NTN1: variants seen among roughly 807,000 people sequenced by gnomAD.
NTN1 encodes the protein netrin 1.
NTN1 carries 11 observed loss-of-function variants against 54.2 expected under a neutral mutation model. The ratio of observed to expected loss-of-function variants is 0.20; its 90% CI spans 0.13 to 0.34. NTN1 has a LOEUF of 0.34. Among genes scored for constraint, NTN1 ranks in the 10% least tolerant of loss-of-function variants. The pLI is 1.00. For synonymous variants in NTN1, 371 were observed against 382.0 expected, an observed-to-expected ratio of 0.97 and a Z score of 0.33; for missense variants, 740 against 893.1, an observed-to-expected ratio of 0.83 and a Z score of 2.18.
chr17:9,140,083 T>A (rs908346057), intron 2 of NTN1, among the ~76,000 whole-genome samples: 1 of 152,210 alleles, frequency 6.6e-6, no homozygotes, highest in Non-Finnish European at 1.5e-5. Flanking sequence ...TCTCATGACC[T>A]GCTAATGAGT....
rs1344970383 is a variant in NTN1, at chr17:9,056,158, G to T, written c.1018+32767G>T. 2.6e-5 allele frequency among the ~76,000 whole-genome samples: 4 copies of T among 152,158 alleles called. 1 individual carries two copies. The highest frequency in any genetic ancestry group is 5.9e-5 in the Non-Finnish European group (4 of 68,028). On this transcript the variant is annotated intron_variant, in intron 2 of 6. Transcript: ENST00000173229. ...TGCAACCTCCGCCTCCCGGGTTCAA[G>T]CAATTCTCCTGCCTCAGCCTCCCGA...
chr17:9,116,947 A>G (rs974044602), intron 2 of NTN1, among the ~76,000 whole-genome samples: 1 of 150,870 alleles, frequency 6.6e-6, no homozygotes, highest in African/African-American at 2.4e-5. Flanking sequence ...TTCAGGAAGG[A>G]TTTGTGGCCG....
chr17:9,050,021 T>C (rs988169039), intron 2 of NTN1, among the ~76,000 whole-genome samples: 2 of 149,280 alleles, frequency 1.3e-5, no homozygotes, highest in African/African-American at 4.9e-5. Context: ...CCTAGGCGGG[T>C]GGATCATGAG....
chr17:9,216,943 G>A (rs1905228446), intron 5 of NTN1, among the ~76,000 whole-genome samples: 1 of 152,088 alleles, frequency 6.6e-6, no homozygotes, highest in East Asian at 1.9e-4. Flanking sequence ...TCGGGAGGCT[G>A]GGGCAGGAGA....
chr17:9,138,721 T>G (rs1488876847), intron 2 of NTN1, among the ~76,000 whole-genome samples: 1 of 151,926 alleles, frequency 6.6e-6, no homozygotes, highest in Non-Finnish European at 1.5e-5. Context: ...CAGGCAGCTG[T>G]GTTAGGTACC....
intron 2 of NTN1, among the ~76,000 whole-genome samples, chr17:9,037,643 A>G (rs2091907508): frequency 3.3e-5 from 5 of 152,034 alleles, no homozygotes; most frequent in Admixed American, 1.3e-4. Flanking sequence ...CTCACTGAGG[A>G]CTTTTTCTGC....
At chr17:9,226,898 TGAAACCACAGCCCCG>T (rs1231789318) in intron 6 of NTN1, among the ~76,000 whole-genome samples, 1 of 151,778 alleles carries the variant, frequency 6.6e-6, no homozygotes, top group Non-Finnish European at 1.5e-5. Flanking sequence ...AGCACACACC[TGAAACCACAGCCCCG>T]GAAACCACCG....
intron 2 of NTN1, among the ~76,000 whole-genome samples, chr17:9,068,760 G>T (rs566534016): frequency 4.7e-4 from 71 of 152,100 alleles, no homozygotes; most frequent in Non-Finnish European, 8.8e-4. Context: ...CGCCTACCTC[G>T]GCCTCCCAAA....
At chr17:9,143,180 G>A (rs2092303319) in intron 2 of NTN1, among the ~76,000 whole-genome samples, 1 of 152,198 alleles carries the variant, frequency 6.6e-6, no homozygotes, top group African/African-American at 2.4e-5. Flanking sequence ...GACGGGAGTA[G>A]AGGATGAGAA....
Position 9,062,507 on chromosome 17 carries a change from G to A in NTN1, c.1018+39116G>A, listed in dbSNP as rs574947695. ...ATACAGAAATATGGCTCCTCCAGGT[G>A]TGCACTTAACACTCGCTTCTTTGCA... On this transcript the variant is annotated intron_variant, in intron 2 of 6. Transcript: ENST00000173229. 5.3e-5 allele frequency among the ~76,000 whole-genome samples: 8 copies of A among 152,210 alleles called. No homozygotes were observed. The South Asian group carries it at 1.7e-3, about 32-fold the overall frequency.
chr17:9,071,235 G>A (rs372622760), intron 2 of NTN1, among the ~76,000 whole-genome samples: 1 of 152,020 alleles, frequency 6.6e-6, no homozygotes, highest in Non-Finnish European at 1.5e-5. Context: ...GGTGTAACAC[G>A]GATCGTGTGA....
chr17:9,013,468 G>T, the NTN1 span, among the ~76,000 whole-genome samples: 5 of 151,994 alleles, frequency 3.3e-5, no homozygotes, highest in Admixed American at 2.0e-4. Context: ...TGCCCTCCTC[G>T]GCCTCCCAAA....
Position 9,164,455 on chromosome 17 carries a change from G to GA in NTN1, c.1207+1464dup, listed in dbSNP as rs111529399. Among the ~76,000 whole-genome samples, 731 of 148,170 alleles carry GA rather than the reference G, an allele frequency of 4.9e-3. 2 individuals are homozygous for GA. The highest frequency in any genetic ancestry group is 0.017 in the African/African-American group (681 of 40,352). ...AAAAAAAAGAAAGAACATCTTGGGG[G>GA]AAAAAAAAAAGAAAGTAACAAAGTA... On this transcript the variant is annotated intron_variant, in intron 3 of 6. Transcript: ENST00000173229.
the NTN1 span, among the ~76,000 whole-genome samples, chr17:9,012,785 T>G: frequency 6.6e-6 from 1 of 152,182 alleles, no homozygotes; most frequent in Non-Finnish European, 1.5e-5. Context: ...GAGTTGCTAT[T>G]GTCTGGGTCA....
At chr17:9,099,594 A>G (rs562130534) in intron 2 of NTN1, among the ~76,000 whole-genome samples, 203 of 152,200 alleles carry the variant, frequency 1.3e-3, no homozygotes, top group Non-Finnish European at 2.5e-3. Flanking sequence ...AATGAACATC[A>G]TAGATACGTG....
intron 2 of NTN1, among the ~76,000 whole-genome samples, chr17:9,094,730 C>T (rs983377390): frequency 1.3e-5 from 2 of 152,056 alleles, no homozygotes; most frequent in Admixed American, 6.6e-5. Flanking sequence ...GTGGCTCACA[C>T]CTGTAATCCC....
At chr17:9,143,783 C>T (rs1424025878) in intron 2 of NTN1, among the ~76,000 whole-genome samples, 5 of 152,158 alleles carry the variant, frequency 3.3e-5, no homozygotes, top group East Asian at 1.9e-4. Context: ...GGTCCCTTTG[C>T]GATGAGCTAG....
At chr17:9,192,918 T>C (rs953116777) in intron 5 of NTN1, among the ~76,000 whole-genome samples, 1 of 151,758 alleles carries the variant, frequency 6.6e-6, no homozygotes, top group Non-Finnish European at 1.5e-5. Context: ...CCGTCTCTAC[T>C]AAAAATAAAA....
rs958885805 is a variant in NTN1, at chr17:9,242,854, G to T, written c.*2886G>T. 6.6e-6 allele frequency: 1 copy of T among 152,318 alleles called. No individual in the cohort carries two copies. Among genetic ancestry groups the T allele is most frequent in the Non-Finnish European group, 1.5e-5 (1 of 68,100 alleles). The allele number at this position is 152,318 out of a possible 1,614,324, so 9.4% of individuals were successfully genotyped here. On this transcript the variant is annotated 3_prime_UTR_variant, in exon 7 of 7. Transcript: ENST00000173229. Reference sequence around the variant, plus strand: ...TGGGAAAGCACCCCTCCTCCACTCCGGTGCCCCACTCCAAGGAGCAGAGGG... The same window carrying T: ...TGGGAAAGCACCCCTCCTCCACTCCTGTGCCCCACTCCAAGGAGCAGAGGG...
Sources: gnomAD v4.1 joint callset for allele counts (sites outside exome capture counted in the v4.1 genomes callset) on GRCh38, gnomAD v4.1.1 for gene constraint, MANE v1.5 for transcripts, NCBI Gene and HGNC (gene_info 2026-07-23, HGNC 2026-07-21) for gene names.